Variants in SYN3 observed in about 807,000 individuals in gnomAD.
SYN3 encodes the protein synapsin III.
Under a neutral mutation model 65.8 loss-of-function variants are expected in SYN3, and 35 were observed. That is an observed-to-expected ratio of 0.53 (90% CI 0.41 to 0.70). The LOEUF is 0.70. Among genes scored for constraint, SYN3 ranks in the 30% least tolerant of loss-of-function variants. SYN3 has a pLI of 0.00. For missense variants in SYN3, 680 were observed against 749.0 expected (o/e 0.91, Z 1.08); for synonymous variants, 270 against 292.9 (o/e 0.92, Z 0.80).
intron 6 of SYN3, among the ~76,000 whole-genome samples, chr22:32,685,792 C>T (rs2060581184): frequency 6.6e-6 from 1 of 152,204 alleles, no homozygotes; most frequent in African/African-American, 2.4e-5. Flanking sequence ...CATCCCATTT[C>T]TAAGAAGTTG....
chr22:32,964,767 G>T (rs2051774195), intron 3 of SYN3, among the ~76,000 whole-genome samples: 1 of 152,102 alleles, frequency 6.6e-6, no homozygotes, highest in Non-Finnish European at 1.5e-5. Flanking sequence ...TTTCCTTCTT[G>T]ACCATATACT....
chr22:32,727,001 T>A (rs2061204258), intron 6 of SYN3, among the ~76,000 whole-genome samples: 1 of 152,080 alleles, frequency 6.6e-6, no homozygotes, highest in Non-Finnish European at 1.5e-5. Context: ...AACTGTTACT[T>A]TAAGTTCAGG....
At chr22:32,643,548 G>T (rs1442514985) in intron 6 of SYN3, among the ~76,000 whole-genome samples, 7 of 92,220 alleles carry the variant, frequency 7.6e-5, no homozygotes, top group Admixed American at 3.6e-4. Flanking sequence ...ATTAGAAATG[G>T]TGGGGGGGCG....
chr22:32,933,286 A>T (rs554911780), intron 3 of SYN3, among the ~76,000 whole-genome samples: 1 of 152,322 alleles, frequency 6.6e-6, no homozygotes, highest in Admixed American at 6.5e-5. Flanking sequence ...AGCATTTTAC[A>T]CATATGAATT....
intron 6 of SYN3, among the ~76,000 whole-genome samples, chr22:32,672,049 CAT>C (rs2060378971): frequency 6.6e-6 from 1 of 152,200 alleles, no homozygotes; most frequent in Non-Finnish European, 1.5e-5. Context: ...AGAGAAAAGT[CAT>C]AATGAAGAGA....
rs1018263680 is a variant in SYN3 at position 32,772,852 on chromosome 22, C to T, written c.711+92063G>A. Among the ~76,000 whole-genome samples, 7 of 152,146 alleles carry T rather than the reference C, an allele frequency of 4.6e-5. 1 individual carries two copies. In the South Asian group the frequency reaches 1.5e-3, roughly 32 times the overall value. On this transcript the variant is annotated intron_variant, in intron 6 of 13. Transcript: ENST00000358763. ...GCCCTGCCAACATCTTGATGTCAGC[C>T]CAGTAGAACTGACTTCGGACATCTG... is the stretch of plus-strand genomic sequence containing the variant.
chr22:32,669,230 T>C (rs130736), intron 6 of SYN3, among the ~76,000 whole-genome samples: 43,898 of 152,116 alleles, frequency 0.29, 7,379 homozygotes, highest in Middle Eastern at 0.4. Flanking sequence ...TGCTCTGATA[T>C]CCTGTCAGGA....
chr22:33,022,131 C>T (rs549124433), intron 1 of SYN3, among the ~76,000 whole-genome samples: 146 of 152,318 alleles, frequency 9.6e-4, no homozygotes, highest in African/African-American at 3.3e-3. Flanking sequence ...AAACACAACA[C>T]GGCTTATAAA....
intron 6 of SYN3, among the ~76,000 whole-genome samples, chr22:32,723,833 C>G (rs945559667): frequency 8.5e-5 from 13 of 152,234 alleles, no homozygotes; most frequent in African/African-American, 3.1e-4. Context: ...GGATCCTTGC[C>G]GGAGGCCCCA....
chr22:32,726,643 G>C (rs2061198845), intron 6 of SYN3, among the ~76,000 whole-genome samples: 1 of 152,152 alleles, frequency 6.6e-6, no homozygotes. Context: ...CAAGGGGGAG[G>C]GTGCTGGGAT....
chr22:33,004,908 C>T (rs1267207930), intron 2 of SYN3, among the ~76,000 whole-genome samples: 1 of 152,152 alleles, frequency 6.6e-6, no homozygotes, highest in Non-Finnish European at 1.5e-5. Context: ...CCATAATCCT[C>T]ATGTGTCATG....
At chr22:32,958,785 C>G (rs1370061649) in intron 3 of SYN3, among the ~76,000 whole-genome samples, 1 of 152,024 alleles carries the variant, frequency 6.6e-6, no homozygotes, top group African/African-American at 2.4e-5. Flanking sequence ...ACCAAGTATG[C>G]AAACACGAGT....
At chr22:33,044,148 C>A (rs925275176) in intron 1 of SYN3, among the ~76,000 whole-genome samples, 1 of 152,032 alleles carries the variant, frequency 6.6e-6, no homozygotes, top group Non-Finnish European at 1.5e-5. Flanking sequence ...GCAGCATGCT[C>A]GAAAAGTGGG....
chr22:32,603,932 C>G (rs1044379620), intron 6 of SYN3, among the ~76,000 whole-genome samples: 4 of 152,318 alleles, frequency 2.6e-5, no homozygotes, highest in Middle Eastern at 6.8e-3. Flanking sequence ...AAACAGAGAT[C>G]CCCACCCAGA....
intron 6 of SYN3, among the ~76,000 whole-genome samples, chr22:32,814,339 G>GAAAGAAAGAAAGGAAGAAAGGAAGAA (rs369652077): frequency 2.8e-3 from 29 of 10,320 alleles, no homozygotes; most frequent in East Asian, 6.9e-3. Flanking sequence ...AAGAAAGAAA[G>GAAAGAAAGAAAGGAAGAAAGGAAGAA]AGAAAGAAAG....
chr22:32,785,240 G>C (rs530614383), intron 6 of SYN3, among the ~76,000 whole-genome samples: 2 of 152,274 alleles, frequency 1.3e-5, no homozygotes, highest in South Asian at 2.1e-4. Flanking sequence ...CTAAGTGATA[G>C]AGCCAGAGTT....
chr22:32,600,243 A>G (rs1490789978), intron 6 of SYN3, among the ~76,000 whole-genome samples: 1 of 147,780 alleles, frequency 6.8e-6, no homozygotes, highest in African/African-American at 2.7e-5. Flanking sequence ...TTAGATTTAC[A>G]TAACGAGAGG....
intron 3 of SYN3, among the ~76,000 whole-genome samples, chr22:32,944,565 T>C (rs1483390232): frequency 6.6e-6 from 1 of 152,166 alleles, no homozygotes; most frequent in East Asian, 1.9e-4. Context: ...GAGCTATTTA[T>C]GACAAACCCA....
At chr22:32,790,364 T>C (rs2046295090) in intron 6 of SYN3, among the ~76,000 whole-genome samples, 1 of 151,830 alleles carries the variant, frequency 6.6e-6, no homozygotes, top group Non-Finnish European at 1.5e-5. Context: ...AAGTGTTCAT[T>C]AATATAATTT....
Sources: gnomAD v4.1 joint callset for allele counts (sites outside exome capture counted in the v4.1 genomes callset) on GRCh38, gnomAD v4.1.1 for gene constraint, MANE v1.5 for transcripts, NCBI Gene and HGNC (gene_info 2026-07-23, HGNC 2026-07-21) for gene names.